Variants in GALNT17 observed in about 807,000 individuals in gnomAD.
GALNT17 encodes UDP-GalNAc:polypeptide N-acetylgalactosaminyltransferase-like 3.
A neutral mutation model predicts 63.7 loss-of-function variants in GALNT17; 29 were observed. The observed-to-expected ratio is 0.46, with a 90% CI of 0.34 to 0.62. The LOEUF (loss-of-function observed/expected upper bound fraction) is 0.62. Ranked by LOEUF, GALNT17 falls within the 20% of genes least tolerant of loss-of-function variation. GALNT17 has a pLI of 0.01. For missense variants in GALNT17, 603 were observed against 799.6 expected, an observed-to-expected ratio of 0.75 and a Z score of 2.97; for synonymous variants, 305 against 318.3, an observed-to-expected ratio of 0.96 and a Z score of 0.45.
intron 9 of GALNT17, among the ~76,000 whole-genome samples, chr7:71,709,586 T>TG (rs1264965368): frequency 2.7e-5 from 4 of 147,264 alleles, no homozygotes; most frequent in Non-Finnish European, 4.5e-5. Flanking sequence ...GGGTTTTTTT[T>TG]TTTGTTTTTT....
intron 1 of GALNT17, among the ~76,000 whole-genome samples, chr7:71,312,562 T>C (rs1027873409): frequency 6.6e-6 from 1 of 152,208 alleles, no homozygotes; most frequent in Non-Finnish European, 1.5e-5. Flanking sequence ...AAATCCAAGA[T>C]GAAGGTGCTG....
At position 71,132,844 on chromosome 7, in the gene GALNT17, C is replaced by T; in HGVS notation, c.42C>T (p.Asn14=). Residue 14 remains asparagine, a synonymous_variant, in exon 1 of 11, where the codon AAC becomes AAT. Transcript: ENST00000333538. ...GAGTCAAAGTGCTGTTGGTGTTGAA[C>T]TTGATCGCGGTAGCCGGCTTCGTGC... ...LRRVKVLLVL[N]LIAVAGFVLF... The T allele has an allele frequency of 6.2e-7, 1 of 1,612,384 alleles. No individual in the cohort carries two copies. Among genetic ancestry groups the T allele is most frequent in the Non-Finnish European group, 8.5e-7 (1 of 1,179,146 alleles).
intron 1 of GALNT17, among the ~76,000 whole-genome samples, chr7:71,156,447 T>G (rs1788235795): frequency 6.6e-6 from 1 of 151,644 alleles, no homozygotes; most frequent in Admixed American, 6.6e-5. Flanking sequence ...AATGGGTGAG[T>G]CTAATGAGCC....
At chr7:71,420,852 G>A (rs1786649904) in intron 4 of GALNT17, 56 bp from the exon 5 acceptor site, 1 of 1,592,560 alleles carries the variant, frequency 6.3e-7, no homozygotes, top group Non-Finnish European at 8.6e-7. Flanking sequence ...GTGGTCTTGG[G>A]AGGTGTGCCT....
At position 71,421,121 on chromosome 7, in the gene GALNT17, G is replaced by A; in HGVS notation, c.962+16G>A. The A allele has an allele frequency of 6.2e-7, 1 of 1,613,532 alleles. No individual in the cohort carries two copies. Among genetic ancestry groups the A allele is most frequent in the Non-Finnish European group, 8.5e-7 (1 of 1,179,730 alleles). On this transcript the variant is annotated intron_variant, in intron 5 of 10. Transcript: ENST00000333538. ...TCCCCATCAGGTCTGTGGCTGGTGA[G>A]CCCTGGCGGCCAACGAGCCCCCAAA...
intron 5 of GALNT17, among the ~76,000 whole-genome samples, chr7:71,496,692 A>T (rs962949594): frequency 1.3e-5 from 2 of 152,084 alleles, no homozygotes; most frequent in Non-Finnish European, 2.9e-5. Flanking sequence ...CTGAGGAAGC[A>T]TAAGAGCCAT....
intron 1 of GALNT17, among the ~76,000 whole-genome samples, chr7:71,216,033 AC>A (rs1186274930): frequency 6.8e-6 from 1 of 147,468 alleles, no homozygotes; most frequent in Non-Finnish European, 1.5e-5. Flanking sequence ...ATATCATGAG[AC>A]CTTGTCTCCA....
chr7:71,421,781 C>T (rs182491460), intron 5 of GALNT17, among the ~76,000 whole-genome samples: 208 of 152,220 alleles, frequency 1.4e-3, no homozygotes, highest in African/African-American at 4.7e-3. Flanking sequence ...GAAACCCCTT[C>T]TCTACTAAAA....
At chr7:71,366,659 G>A (rs1792516293) in intron 2 of GALNT17, among the ~76,000 whole-genome samples, 1 of 152,160 alleles carries the variant, frequency 6.6e-6, no homozygotes, top group Non-Finnish European at 1.5e-5. Context: ...ACTACTGTTG[G>A]CTGTTTCTTG....
chr7:71,710,395 G>A lies in GALNT17; in HGVS notation c.1501-366G>A, dbSNP rs540518434. 2.0e-4 allele frequency among the ~76,000 whole-genome samples: 30 copies of A among 152,184 alleles called. No homozygotes were observed. In the East Asian group the frequency reaches 2.9e-3, roughly 15 times the overall value. On this transcript the variant is annotated intron_variant, in intron 9 of 10. Transcript: ENST00000333538. ...TGGTGGTGCGCGCCTGTAATCCCAC[G>A]TACTCAGGAGGCTGAGGCAAGAGAA... is the stretch of plus-strand genomic sequence containing the variant.
At chr7:71,494,592 C>T (rs1352588962) in intron 5 of GALNT17, among the ~76,000 whole-genome samples, 2 of 152,092 alleles carry the variant, frequency 1.3e-5, no homozygotes, top group African/African-American at 4.8e-5. Flanking sequence ...TTCCTGGGCT[C>T]AAGTAACTCT....
chr7:71,501,249 G>A (rs1041063783), intron 5 of GALNT17, among the ~76,000 whole-genome samples: 3 of 151,864 alleles, frequency 2.0e-5, no homozygotes, highest in African/African-American at 7.3e-5. Flanking sequence ...GATTACAGGT[G>A]TGAGCCACCG....
intron 5 of GALNT17, among the ~76,000 whole-genome samples, chr7:71,569,242 T>C (rs1789397997): frequency 6.6e-6 from 1 of 152,166 alleles, no homozygotes; most frequent in African/African-American, 2.4e-5. Context: ...AGTTCTGGGA[T>C]TACAGGCGTG....
At chr7:71,427,470 C>T (rs1026620416) in intron 5 of GALNT17, among the ~76,000 whole-genome samples, 2 of 151,946 alleles carry the variant, frequency 1.3e-5, no homozygotes, top group African/African-American at 4.8e-5. Context: ...TTTCAATGTC[C>T]ACACCACATT....
At chr7:71,219,102 T>A (rs1327247196) in intron 1 of GALNT17, among the ~76,000 whole-genome samples, 3 of 152,162 alleles carry the variant, frequency 2.0e-5, no homozygotes, top group Non-Finnish European at 2.9e-5. Context: ...TCACCTCAGA[T>A]GTCCCATCTC....
At chr7:71,305,455 G>A (rs1400088373) in intron 1 of GALNT17, among the ~76,000 whole-genome samples, 2 of 152,158 alleles carry the variant, frequency 1.3e-5, no homozygotes, top group Admixed American at 1.3e-4. Context: ...TACCCCCTGG[G>A]ATGGCAGATT....
chr7:71,208,965 A>T (rs1789325354), intron 1 of GALNT17, among the ~76,000 whole-genome samples: 1 of 152,054 alleles, frequency 6.6e-6, no homozygotes, highest in South Asian at 2.1e-4. Flanking sequence ...CTTCTCCTGA[A>T]ACAGGCTGGA....
At chr7:71,461,623 A>G (rs1787451768) in intron 5 of GALNT17, among the ~76,000 whole-genome samples, 1 of 152,218 alleles carries the variant, frequency 6.6e-6, no homozygotes, top group Non-Finnish European at 1.5e-5. Flanking sequence ...GTAAACATAC[A>G]TCATTTAAAT....
At chr7:71,375,463 G>A (rs1053734759) in intron 2 of GALNT17, among the ~76,000 whole-genome samples, 2 of 152,186 alleles carry the variant, frequency 1.3e-5, no homozygotes, top group Non-Finnish European at 2.9e-5. Context: ...TGCCCAGGCT[G>A]GAGTGCAGTG....
Sources: gnomAD v4.1 joint callset for allele counts (sites outside exome capture counted in the v4.1 genomes callset) on GRCh38, gnomAD v4.1.1 for gene constraint, MANE v1.5 for transcripts, NCBI Gene and HGNC (gene_info 2026-07-23, HGNC 2026-07-21) for gene names.